Variants in ANO2 observed in about 807,000 individuals in gnomAD.
ANO2 encodes anoctamin-2.
In ANO2, 101 loss-of-function variants were observed where a neutral mutation model predicts 124.2. The observed-to-expected ratio is 0.81, with a 90% CI of 0.69 to 0.96. The LOEUF (loss-of-function observed/expected upper bound fraction) is 0.96, where lower values mean the gene tolerates loss of function less well. ANO2 is among the 40% of genes least tolerant of loss of function. The probability of loss-of-function intolerance (pLI) is 0.00; values close to 1 mark genes in which losing one functional copy is unlikely to be tolerated. For missense variants in ANO2, 1,293 were observed against 1,274.5 expected (o/e 1.01, Z -0.22); for synonymous variants, 486 against 482.5 (o/e 1.01, Z -0.09).
chr12:5,823,476 T>C (rs1307610986), intron 7 of ANO2, among the ~76,000 whole-genome samples: 1 of 152,212 alleles, frequency 6.6e-6, no homozygotes, highest in East Asian at 1.9e-4. Context: ...GGCAGTAAAA[T>C]TTTAAAGCTC....
chr12:5,877,631 A>G (rs141032757), intron 3 of ANO2, among the ~76,000 whole-genome samples: 38 of 152,330 alleles, frequency 2.5e-4, no homozygotes, highest in Middle Eastern at 6.8e-3. Flanking sequence ...ACAAAATAAT[A>G]AAAGTATCTA....
Position 5,772,316 on chromosome 12 carries a change from C to T in ANO2, c.1056-21346G>A, listed in dbSNP as rs543020291. Reference sequence around the variant, plus strand: ...GGGAAGGGAGTTATTACATCAATTACATCCGACTGGCTTTTCATTATTGGT... The same window carrying T: ...GGGAAGGGAGTTATTACATCAATTATATCCGACTGGCTTTTCATTATTGGT... On this transcript the variant is annotated intron_variant, in intron 10 of 24. Transcript: ENST00000682330. Among the ~76,000 whole-genome samples, 6 of 152,326 alleles carry T rather than the reference C, an allele frequency of 3.9e-5. No individual in the cohort carries two copies. In the East Asian group the frequency reaches 1.2e-3, roughly 29 times the overall value.
intron 10 of ANO2, among the ~76,000 whole-genome samples, chr12:5,797,238 C>A (rs1045982331): frequency 2.6e-5 from 4 of 152,044 alleles, no homozygotes; most frequent in Non-Finnish European, 5.9e-5. Flanking sequence ...GCAGGTGGGC[C>A]CCGACAGGAG....
At chr12:5,770,608 C>T (rs1952048711) in intron 10 of ANO2, among the ~76,000 whole-genome samples, 1 of 152,174 alleles carries the variant, frequency 6.6e-6, no homozygotes, top group South Asian at 2.1e-4. Flanking sequence ...TCACCATCTC[C>T]ACCACCAATA....
intron 10 of ANO2, among the ~76,000 whole-genome samples, chr12:5,784,686 C>T (rs1315364778): frequency 6.6e-6 from 1 of 152,156 alleles, no homozygotes; most frequent in Non-Finnish European, 1.5e-5. Context: ...TAAACCTCCT[C>T]CCTGAGCAGG....
intron 14 of ANO2, among the ~76,000 whole-genome samples, chr12:5,654,535 G>A (rs1341122900): frequency 6.6e-6 from 1 of 152,108 alleles, no homozygotes; most frequent in Admixed American, 6.5e-5. Context: ...TTCTGTCTAT[G>A]AGAGCCTCTC....
At chr12:5,793,597 C>A (rs1372285679) in intron 10 of ANO2, among the ~76,000 whole-genome samples, 1 of 152,238 alleles carries the variant, frequency 6.6e-6, no homozygotes, top group African/African-American at 2.4e-5. Flanking sequence ...CCTTCCCCAG[C>A]TCTGCCCTGG....
At position 5,641,829 on chromosome 12, in the gene ANO2, T is replaced by G. The variant is rs74764382; in HGVS notation, c.1620+5898A>C. Among the ~76,000 whole-genome samples, 707 of 152,366 alleles carry G rather than the reference T, an allele frequency of 4.6e-3. 6 individuals carry two copies. Among genetic ancestry groups the G allele is most frequent in the African/African-American group, 0.016 (645 of 41,578 alleles). On this transcript the variant is annotated intron_variant, in intron 15 of 24. Transcript: ENST00000682330. Reference sequence around the variant, plus strand: ...TTACAAAGGAGAGATAATTATGTATTATTTGTGAACAATAAAAATATTCCC... The same window carrying G: ...TTACAAAGGAGAGATAATTATGTATGATTTGTGAACAATAAAAATATTCCC...
At chr12:5,750,711 T>C in intron 11 of ANO2, 125 bp downstream of exon 11, 1 of 1,016,322 alleles carries the variant, frequency 9.8e-7, no homozygotes, top group Non-Finnish European at 1.4e-6. Context: ...ACATGTGTCA[T>C]AGCGAAGGAG....
At chr12:5,756,780 T>C (rs942172601) in intron 10 of ANO2, among the ~76,000 whole-genome samples, 6 of 152,220 alleles carry the variant, frequency 3.9e-5, no homozygotes, top group African/African-American at 1.2e-4. Flanking sequence ...TAGGGCTGCA[T>C]TTGGTTTCCA....
upstream of ANO2, among the ~76,000 whole-genome samples, chr12:5,945,907 A>C (rs1053586418): frequency 4.6e-5 from 7 of 152,226 alleles, 1 homozygote; most frequent in South Asian, 4.1e-4. Context: ...AGGAGGGTTA[A>C]GGAAGGTTGA....
chr12:5,871,438 C>A (rs1937687846), intron 3 of ANO2, among the ~76,000 whole-genome samples: 1 of 152,120 alleles, frequency 6.6e-6, no homozygotes, highest in Non-Finnish European at 1.5e-5. Flanking sequence ...AAGGGGTTCC[C>A]AAACTGGTAC....
chr12:5,584,766 G>A (rs1943012983), intron 20 of ANO2, among the ~76,000 whole-genome samples: 1 of 152,196 alleles, frequency 6.6e-6, no homozygotes, highest in Non-Finnish European at 1.5e-5. Context: ...ACAGTGAGAA[G>A]AAAAGGCACG....
intron 7 of ANO2, among the ~76,000 whole-genome samples, chr12:5,814,201 G>A (rs11832095): frequency 0.31 from 46,594 of 152,114 alleles, 7,468 homozygotes; most frequent in Middle Eastern, 0.38. Flanking sequence ...GATGATAAGA[G>A]CTCTACTATT....
chr12:5,589,953 A>G (rs891110551), intron 20 of ANO2, among the ~76,000 whole-genome samples: 2 of 152,106 alleles, frequency 1.3e-5, no homozygotes, highest in African/African-American at 4.8e-5. Context: ...CACCGGAGGG[A>G]TATGACCAAC....
intron 1 of ANO2, among the ~76,000 whole-genome samples, chr12:5,937,413 AT>A (rs1942696070): frequency 6.6e-6 from 1 of 151,960 alleles, no homozygotes; most frequent in Non-Finnish European, 1.5e-5. Flanking sequence ...GGTTATTTGT[AT>A]TTTTGCTATT....
At chr12:5,852,848 CGTGTGTGTGTGTGTGTGTGT>C (rs71445682) in intron 4 of ANO2, among the ~76,000 whole-genome samples, 19 of 123,960 alleles carry the variant, frequency 1.5e-4, no homozygotes, top group African/African-American at 5.2e-4. Flanking sequence ...TGGAAAGGGA[CGTGTGTGTGTGTGTGTGTGT>C]GTGTGTGTGT....
chr12:5,754,832 TCTAA>T (rs777657202), intron 10 of ANO2, among the ~76,000 whole-genome samples: 8 of 152,136 alleles, frequency 5.3e-5, no homozygotes, highest in Non-Finnish European at 1.0e-4. Flanking sequence ...TTTTCATTAG[TCTAA>T]CTAAGGATTC....
At chr12:5,667,849 C>G (rs1406124864) in intron 14 of ANO2, among the ~76,000 whole-genome samples, 1 of 152,180 alleles carries the variant, frequency 6.6e-6, no homozygotes, top group African/African-American at 2.4e-5. Flanking sequence ...CAATGACTTC[C>G]AGCTCCATCC....
Sources: gnomAD v4.1 joint callset for allele counts (sites outside exome capture counted in the v4.1 genomes callset) on GRCh38, gnomAD v4.1.1 for gene constraint, MANE v1.5 for transcripts, NCBI Gene and HGNC (gene_info 2026-07-23, HGNC 2026-07-21) for gene names.